Variants in BTRC observed in about 807,000 individuals in gnomAD.
The protein encoded by BTRC is beta-transducin repeat containing E3 ubiquitin protein ligase.
A neutral mutation model predicts 85.5 loss-of-function variants in BTRC; 42 were observed. That is an observed-to-expected ratio of 0.49 (90% CI 0.38 to 0.64). BTRC has a LOEUF of 0.64. Ranked by LOEUF, BTRC falls within the 30% of genes least tolerant of loss-of-function variation. The probability of loss-of-function intolerance (pLI) is 0.00; values close to 1 mark genes in which losing one functional copy is unlikely to be tolerated. For missense variants in BTRC, 594 were observed against 743.5 expected, an observed-to-expected ratio of 0.80 and a Z score of 2.34; for synonymous variants, 255 against 263.3, an observed-to-expected ratio of 0.97 and a Z score of 0.30.
intron 2 of BTRC, among the ~76,000 whole-genome samples, chr10:101,448,668 A>G (rs1288598046): frequency 2.0e-5 from 3 of 151,988 alleles, no homozygotes; most frequent in Non-Finnish European, 4.4e-5. Context: ...TAGTTTTTTC[A>G]TTTCTGTGGT....
At chr10:101,550,612 TA>T in intron 13 of BTRC, 86 bp from the exon 14 acceptor site, 2 of 1,414,446 alleles carry the variant, frequency 1.4e-6, no homozygotes, top group South Asian at 2.6e-5. Flanking sequence ...AGCCTTTCCG[TA>T]GACTCCTTTT....
intron 2 of BTRC, among the ~76,000 whole-genome samples, chr10:101,448,204 C>A (rs1303311890): frequency 6.6e-6 from 1 of 152,086 alleles, no homozygotes; most frequent in East Asian, 1.9e-4. Context: ...TTTTGGTATT[C>A]TTTAAGTAGA....
At chr10:101,383,704 T>A (rs745438006) in intron 1 of BTRC, among the ~76,000 whole-genome samples, 1 of 152,168 alleles carries the variant, frequency 6.6e-6, no homozygotes, top group Non-Finnish European at 1.5e-5. Flanking sequence ...TTAATAGATA[T>A]GAGAATAATA....
At chr10:101,427,535 T>G (rs1309263368) in intron 1 of BTRC, among the ~76,000 whole-genome samples, 1 of 151,486 alleles carries the variant, frequency 6.6e-6, no homozygotes, top group Non-Finnish European at 1.5e-5. Flanking sequence ...TTCTTTTCTT[T>G]CTTCTTTCTT....
chr10:101,468,428 C>T (rs1945437042), intron 3 of BTRC, among the ~76,000 whole-genome samples: 1 of 151,906 alleles, frequency 6.6e-6, no homozygotes, highest in Non-Finnish European at 1.5e-5. Context: ...GCCTGTTGTG[C>T]TCATCTGCAT....
intron 4 of BTRC, among the ~76,000 whole-genome samples, chr10:101,517,872 A>T (rs1285399492): frequency 6.7e-6 from 1 of 150,162 alleles, no homozygotes; most frequent in Non-Finnish European, 1.5e-5. Flanking sequence ...GTGGTCCAAG[A>T]GATTGTTCTG....
In BTRC at chr10:101,516,942, A is replaced by G. The variant is rs547385013; in HGVS notation, c.325-4697A>G. 2.6e-5 allele frequency among the ~76,000 whole-genome samples: 4 copies of G among 152,298 alleles called. No individual in the cohort carries two copies. In the East Asian group the frequency reaches 7.7e-4, roughly 29 times the overall value. On this transcript the variant is annotated intron_variant, in intron 4 of 14. Coordinates refer to ENST00000370187, the MANE Select transcript of BTRC (RefSeq NM_033637.4). Reference sequence around the variant, plus strand: ...ACAAAGGGTGCATTTTAAAAGGCAAATATATAAAAAATGATAGAGTTTGGG... The same window carrying G: ...ACAAAGGGTGCATTTTAAAAGGCAAGTATATAAAAAATGATAGAGTTTGGG...
intron 1 of BTRC, among the ~76,000 whole-genome samples, chr10:101,409,952 A>G (rs1943732079): frequency 1.3e-5 from 2 of 152,124 alleles, no homozygotes; most frequent in Non-Finnish European, 1.5e-5. Context: ...CAAAATTGCT[A>G]TGGTAGTTCT....
intron 3 of BTRC, among the ~76,000 whole-genome samples, chr10:101,463,502 A>G (rs1175354033): frequency 6.6e-6 from 1 of 152,216 alleles, no homozygotes; most frequent in Non-Finnish European, 1.5e-5. Context: ...TTAATATAAA[A>G]TTGGATACAA....
intron 1 of BTRC, among the ~76,000 whole-genome samples, chr10:101,402,909 AT>A: frequency 6.6e-6 from 1 of 152,328 alleles, no homozygotes; most frequent in East Asian, 1.9e-4. Context: ...CAATAATGAT[AT>A]CAGACTAGTA....
intron 2 of BTRC, among the ~76,000 whole-genome samples, chr10:101,430,781 C>G (rs756637963): frequency 2.0e-5 from 3 of 152,056 alleles, no homozygotes; most frequent in Non-Finnish European, 4.4e-5. Flanking sequence ...TTGCTCTGGA[C>G]CTACATAAAG....
At chr10:101,447,539 C>A (rs184711999) in intron 2 of BTRC, among the ~76,000 whole-genome samples, 13 of 152,262 alleles carry the variant, frequency 8.5e-5, no homozygotes, top group Admixed American at 5.2e-4. Flanking sequence ...ACTGTAAGAA[C>A]AACTACTATG....
chr10:101,476,262 G>T (rs1945684190), intron 3 of BTRC, among the ~76,000 whole-genome samples: 1 of 152,008 alleles, frequency 6.6e-6, no homozygotes, highest in African/African-American at 2.4e-5. Flanking sequence ...AGCCCTAAGA[G>T]ACATGACAAA....
At chr10:101,525,433 ATCTCTGTCTTTCT>A (rs2062176133) in intron 5 of BTRC, among the ~76,000 whole-genome samples, 1 of 152,102 alleles carries the variant, frequency 6.6e-6, no homozygotes, top group South Asian at 2.1e-4. Context: ...TTAAACATAC[ATCTCTGTCTTTCT>A]CTTGGGATAT....
At position 101,406,652 on chromosome 10, in the gene BTRC, G is replaced by A. The variant is rs564256646; in HGVS notation, c.49-23693G>A. 4.9e-5 allele frequency among the ~76,000 whole-genome samples: 7 copies of A among 142,854 alleles called. No individual in the cohort carries two copies. In the East Asian group the frequency reaches 1.5e-3, roughly 31 times the overall value. 93.7% of individuals were successfully genotyped at this position (142,854 alleles called of 152,430 possible). A position where few individuals can be genotyped will look rare whatever the true frequency, so the allele number is the denominator to read the frequency against. ...GGGTTCAAGTGATTCTCCTGCCTCAGCCTCCCAAGTAGCTGGAGTTACAGG... is the reference window on the plus strand; with the variant it reads ...GGGTTCAAGTGATTCTCCTGCCTCAACCTCCCAAGTAGCTGGAGTTACAGG... On this transcript the variant is annotated intron_variant, in intron 1 of 14. Coordinates refer to ENST00000370187, the MANE Select transcript of BTRC (RefSeq NM_033637.4).
intron 2 of BTRC, among the ~76,000 whole-genome samples, chr10:101,450,420 A>G (rs1944930037): frequency 1.3e-5 from 2 of 152,184 alleles, no homozygotes; most frequent in Admixed American, 1.3e-4. Flanking sequence ...CTGCTCATTC[A>G]TGCCCTTGCC....
intron 1 of BTRC, among the ~76,000 whole-genome samples, chr10:101,365,742 G>C (rs1476082667): frequency 6.6e-6 from 1 of 152,204 alleles, no homozygotes; most frequent in Non-Finnish European, 1.5e-5. Flanking sequence ...CTCCCAAAGT[G>C]CTGGGATTAT....
At chr10:101,521,919 G>T (rs6584430) in intron 5 of BTRC, 49 bp downstream of exon 5, 1 of 1,378,086 alleles carries the variant, frequency 7.3e-7, no homozygotes, top group Admixed American at 1.9e-5. Flanking sequence ...GATGATAAGA[G>T]AACTAGATCT....
intron 4 of BTRC, among the ~76,000 whole-genome samples, chr10:101,515,631 C>T (rs1311064956): frequency 6.6e-6 from 1 of 151,944 alleles, no homozygotes; most frequent in East Asian, 1.9e-4. Context: ...CCTGCCTCAG[C>T]CTCCAGAGTA....
Sources: gnomAD v4.1 joint callset for allele counts (sites outside exome capture counted in the v4.1 genomes callset) on GRCh38, gnomAD v4.1.1 for gene constraint, MANE v1.5 for transcripts, NCBI Gene and HGNC (gene_info 2026-07-23, HGNC 2026-07-21) for gene names.